Variants in FNBP1L observed in about 807,000 individuals in gnomAD.
The protein encoded by FNBP1L is formin binding protein 1 like, also known as formin-binding protein 1-like.
In FNBP1L, 36 loss-of-function variants were observed where a neutral mutation model predicts 91.2. That is an observed-to-expected ratio of 0.39 (90% CI 0.30 to 0.52). The LOEUF (loss-of-function observed/expected upper bound fraction) is 0.52. FNBP1L is among the 20% of genes least tolerant of loss of function. FNBP1L has a pLI of 0.66. For synonymous variants in FNBP1L, 242 were observed against 237.0 expected (o/e 1.02, Z -0.19); for missense variants, 571 against 732.1 (o/e 0.78, Z 2.54).
At position 93,554,587 on chromosome 1, in the gene FNBP1L, A is replaced by G. The variant is rs1056624681; in HGVS notation, c.*2171A>G. The G allele has an allele frequency of 6.6e-6, 1 of 152,578 alleles. No individual in the cohort carries two copies. The highest frequency in any genetic ancestry group is 2.1e-4 in the South Asian group (1 of 4,826). 9.5% of individuals were successfully genotyped at this position (152,578 alleles called of 1,614,324 possible). A position where few individuals can be genotyped will look rare whatever the true frequency, so the allele number is the denominator to read the frequency against. On this transcript the variant is annotated 3_prime_UTR_variant, in exon 17 of 17. Coordinates refer to ENST00000271234, the MANE Select transcript of FNBP1L (RefSeq NM_001164473.3). ...GCACATGTTGATTTCTTAATGGTAA[A>G]TCCTTCATTTAAAGATAGTGTTCTC...
intron 14 of FNBP1L, 134 bp downstream of exon 14, chr1:93,547,575 TAAGTA>T: frequency 1.4e-6 from 1 of 694,588 alleles, no homozygotes; most frequent in East Asian, 2.8e-5. Flanking sequence ...CTTTTGAACC[TAAGTA>T]ATTTTCTTTA....
At chr1:93,463,505 G>A (rs902022357) in intron 1 of FNBP1L, among the ~76,000 whole-genome samples, 1 of 152,060 alleles carries the variant, frequency 6.6e-6, no homozygotes, top group Non-Finnish European at 1.5e-5. Context: ...ATTTCCTTAT[G>A]TAACCATCTG....
intron 2 of FNBP1L, among the ~76,000 whole-genome samples, chr1:93,512,118 A>C (rs1468708774): frequency 6.6e-6 from 1 of 152,234 alleles, no homozygotes; most frequent in African/African-American, 2.4e-5. Context: ...CAGGGGTTGC[A>C]ATCCTAGTCT....
In FNBP1L at chr1:93,529,692, A is replaced by G; in HGVS notation, c.446A>G (p.Lys149Arg). The change falls in exon 6 of 17, where the codon AAG (lysine) becomes AGG (arginine). Residue 149 changes from lysine to arginine, a missense_variant. Physicochemically the swap from Lys to Arg is conservative, Grantham distance 26 (BLOSUM62 2). Around this residue, in one of 5 missense-constraint regions of FNBP1L, gnomAD observed 220 missense variants for 313.6 expected, o/e 0.70. Coordinates refer to ENST00000271234, the MANE Select transcript of FNBP1L (RefSeq NM_001164473.3). ...GAAAGAGAATGTAGAGAGGCAGAAA[A>G]GGCACAACAGAGTTATGAAAGATTG... is the stretch of plus-strand genomic sequence containing the variant. ...KFERECREAEKAQQSYERLDN... is the reference protein window; with the variant it reads ...KFERECREAERAQQSYERLDN... 6.6e-7 allele frequency: 1 copy of G among 1,518,640 alleles called. No homozygotes were observed. The highest frequency in any genetic ancestry group is 2.4e-5 in the Admixed American group (1 of 41,436). 94.1% of individuals were successfully genotyped at this position (1,518,640 alleles called of 1,614,324 possible). A position where few individuals can be genotyped will look rare whatever the true frequency, so the allele number is the denominator to read the frequency against.
intron 1 of FNBP1L, among the ~76,000 whole-genome samples, chr1:93,478,325 G>A (rs1227585428): frequency 1.3e-5 from 2 of 152,204 alleles, no homozygotes; most frequent in Admixed American, 6.5e-5. Context: ...AGAGAGGACA[G>A]CCTCCATGTG....
intron 2 of FNBP1L, among the ~76,000 whole-genome samples, chr1:93,520,688 A>G (rs1370428093): frequency 6.6e-6 from 1 of 152,070 alleles, no homozygotes; most frequent in Non-Finnish European, 1.5e-5. Context: ...TACTGTTTGC[A>G]CCATTTATAG....
At chr1:93,552,200 CCT>C (rs1342533466) in intron 16 of FNBP1L, 10 of 1,350,966 alleles carry the variant, frequency 7.4e-6, no homozygotes, top group Non-Finnish European at 9.5e-6. Flanking sequence ...GTGACCACAC[CCT>C]GAGTCAGTGG....
At chr1:93,449,129 T>C (rs1200034009) in intron 1 of FNBP1L, among the ~76,000 whole-genome samples, 1 of 152,256 alleles carries the variant, frequency 6.6e-6, no homozygotes, top group Non-Finnish European at 1.5e-5. Flanking sequence ...TTCTCTCCTT[T>C]CCTTTCCTCC....
chr1:93,550,065 G>T (rs1247619417), intron 15 of FNBP1L, among the ~76,000 whole-genome samples: 1 of 152,200 alleles, frequency 6.6e-6, no homozygotes, highest in Admixed American at 6.5e-5. Flanking sequence ...CAGGAGAACT[G>T]AGCGACACTT....
chr1:93,463,125 G>A (rs1479693915), intron 1 of FNBP1L, among the ~76,000 whole-genome samples: 1 of 152,012 alleles, frequency 6.6e-6, no homozygotes, highest in Non-Finnish European at 1.5e-5. Flanking sequence ...GTTGGCTTTT[G>A]TGTCCTTTTA....
chr1:93,512,155 A>G (rs1224263363), intron 2 of FNBP1L, among the ~76,000 whole-genome samples: 1 of 152,152 alleles, frequency 6.6e-6, no homozygotes, highest in African/African-American at 2.4e-5. Context: ...TAAACCAACA[A>G]AGATCAAAAG....
intron 5 of FNBP1L, among the ~76,000 whole-genome samples, chr1:93,526,384 T>C (rs921810136): frequency 5.9e-5 from 9 of 152,314 alleles, no homozygotes; most frequent in Non-Finnish European, 8.8e-5. Context: ...TCCTCAGCCA[T>C]GTCTCCTTAA....
At chr1:93,533,137 G>T (rs749206535) in intron 8 of FNBP1L, 69 bp downstream of exon 8, 200 of 1,433,836 alleles carry the variant, frequency 1.4e-4, no homozygotes, top group Middle Eastern at 1.0e-3. Flanking sequence ...TTAGTGAAAT[G>T]AGTTGAGAAA....
At chr1:93,497,184 G>A (rs1238342826) in intron 1 of FNBP1L, among the ~76,000 whole-genome samples, 1 of 151,654 alleles carries the variant, frequency 6.6e-6, no homozygotes, top group Non-Finnish European at 1.5e-5. Context: ...GGATGGTCTC[G>A]ATCTCCTGAA....
intron 2 of FNBP1L, among the ~76,000 whole-genome samples, chr1:93,510,666 G>A (rs1472414483): frequency 6.6e-6 from 1 of 152,114 alleles, no homozygotes; most frequent in African/African-American, 2.4e-5. Flanking sequence ...CAAGCTACAG[G>A]AGGACATTCA....
At chr1:93,501,053 C>G (rs1055726389) in intron 2 of FNBP1L, among the ~76,000 whole-genome samples, 2 of 152,094 alleles carry the variant, frequency 1.3e-5, no homozygotes, top group Admixed American at 1.3e-4. Flanking sequence ...AAAATAGCAG[C>G]TACCAGATGT....
intron 15 of FNBP1L, among the ~76,000 whole-genome samples, chr1:93,550,432 G>A (rs952011943): frequency 6.6e-5 from 10 of 152,168 alleles, no homozygotes; most frequent in Non-Finnish European, 1.2e-4. Flanking sequence ...CAGGTTGGGC[G>A]TGGTTGGGGA....
At chr1:93,502,759 T>G (rs1219173021) in intron 2 of FNBP1L, among the ~76,000 whole-genome samples, 1 of 152,224 alleles carries the variant, frequency 6.6e-6, no homozygotes, top group Non-Finnish European at 1.5e-5. Context: ...ATTTCCATTC[T>G]AAGGATGATT....
intron 3 of FNBP1L, 35 bp from the exon 4 acceptor site, chr1:93,523,309 A>G (rs1468655959): frequency 1.3e-6 from 2 of 1,568,380 alleles, no homozygotes; most frequent in Non-Finnish European, 1.7e-6. Flanking sequence ...ATGAAAATAA[A>G]AGTAAGTCTC....
Sources: allele counts gnomAD v4.1 joint callset (sites outside exome capture counted in the v4.1 genomes callset), GRCh38; gene constraint gnomAD v4.1.1; regional missense constraint gnomAD v4.1.1; transcripts MANE v1.5; gene names NCBI Gene and HGNC (gene_info 2026-07-23, HGNC 2026-07-21).